Variants in ITGA11 observed in about 807,000 individuals in gnomAD.
ITGA11 encodes the protein integrin alpha-11.
Under a neutral mutation model 141.9 loss-of-function variants are expected in ITGA11, and 97 were observed. The ratio of observed to expected loss-of-function variants is 0.68; its 90% CI spans 0.58 to 0.81. The LOEUF (loss-of-function observed/expected upper bound fraction) is 0.81. Ranked by LOEUF, ITGA11 falls within the 30% of genes least tolerant of loss-of-function variation. ITGA11 has a pLI of 0.00. For synonymous variants in ITGA11, 658 were observed against 624.6 expected, an observed-to-expected ratio of 1.05 and a Z score of -0.80; for missense variants, 1,387 against 1,559.2, an observed-to-expected ratio of 0.89 and a Z score of 1.86.
intron 11 of ITGA11, among the ~76,000 whole-genome samples, chr15:68,338,915 G>A (rs756705699): frequency 8.5e-5 from 13 of 152,194 alleles, no homozygotes; most frequent in African/African-American, 1.7e-4. Flanking sequence ...AAGCCATGGC[G>A]AATGGGACAT....
At chr15:68,353,360 G>A (rs11637346) in intron 7 of ITGA11, among the ~76,000 whole-genome samples, 8,807 of 152,164 alleles carry the variant, frequency 0.058, 462 homozygotes, top group African/African-American at 0.14. Flanking sequence ...GCCACATGAC[G>A]AGAGCAGGTT....
At position 68,304,305 on chromosome 15, in the gene ITGA11, T is replaced by C. The variant is rs1380952625; in HGVS notation, c.3382-420A>G. Among the ~76,000 whole-genome samples, 2 of 152,172 alleles carry C rather than the reference T, an allele frequency of 1.3e-5. No homozygotes were observed. Among genetic ancestry groups the C allele is most frequent in the South Asian group, 4.1e-4 (2 of 4,830 alleles). On this transcript the variant is annotated intron_variant, in intron 28 of 29. Transcript: ENST00000315757. The surrounding 1 kb of genome is among the most constrained non-coding windows in gnomAD (Gnocchi z 6.1). ...TCCTGGGTGAACTCAGGGCTGACTT[T>C]CCCACGAGTCACAGTAGTCATGGTG...
chr15:68,394,563 A>G (rs1276941091), intron 2 of ITGA11, among the ~76,000 whole-genome samples: 1 of 152,032 alleles, frequency 6.6e-6, no homozygotes, highest in Non-Finnish European at 1.5e-5. Context: ...TAAATAAAAA[A>G]ATGGAAGAAA....
intron 2 of ITGA11, among the ~76,000 whole-genome samples, chr15:68,392,000 C>T (rs1036194036): frequency 4.6e-5 from 7 of 152,172 alleles, no homozygotes; most frequent in African/African-American, 1.7e-4. Context: ...GAAAGAGGCT[C>T]AAATCCTTAA....
chr15:68,425,687 C>G (rs568445127), intron 1 of ITGA11, among the ~76,000 whole-genome samples: 26 of 152,356 alleles, frequency 1.7e-4, no homozygotes, highest in Admixed American at 4.6e-4. Context: ...TGCAGACTAT[C>G]TAGAGCTACG....
chr15:68,398,610 G>A (rs1044508523), intron 2 of ITGA11, among the ~76,000 whole-genome samples: 2 of 144,928 alleles, frequency 1.4e-5, no homozygotes, highest in South Asian at 2.2e-4. Context: ...ATAAATATAA[G>A]TATAAATATT....
At chr15:68,312,112 C>T (rs1048075516) in intron 24 of ITGA11, among the ~76,000 whole-genome samples, 13 of 152,260 alleles carry the variant, frequency 8.5e-5, no homozygotes, top group East Asian at 5.8e-4. Flanking sequence ...AGGGAGCTAT[C>T]GGGGCCCACT....
At chr15:68,330,043 G>A (rs1438406328) in intron 15 of ITGA11, among the ~76,000 whole-genome samples, 1 of 152,238 alleles carries the variant, frequency 6.6e-6, no homozygotes, top group Non-Finnish European at 1.5e-5. Context: ...AGAGCAGCAC[G>A]CGTGGTGAGG....
At chr15:68,408,194 G>C (rs1896691722) in intron 1 of ITGA11, among the ~76,000 whole-genome samples, 1 of 152,096 alleles carries the variant, frequency 6.6e-6, no homozygotes. Flanking sequence ...CCTCTCTGAT[G>C]AGCTTCCCAT....
At chr15:68,364,627 GGTGT>G in intron 4 of ITGA11, 76 bp downstream of exon 4, 1 of 911,458 alleles carries the variant, frequency 1.1e-6, no homozygotes, top group South Asian at 1.4e-5. Context: ...TGGACATGAG[GGTGT>G]GTAAGGAGAC....
At chr15:68,384,186 T>C (rs11632946) in intron 2 of ITGA11, among the ~76,000 whole-genome samples, 92,632 of 150,662 alleles carry the variant, frequency 0.61, 31,649 homozygotes, top group South Asian at 0.76. Context: ...GTTGACCAGT[T>C]TGTGTGTGTG....
At chr15:68,329,122 C>T (rs565820256) in intron 15 of ITGA11, among the ~76,000 whole-genome samples, 11 of 152,164 alleles carry the variant, frequency 7.2e-5, no homozygotes, top group Admixed American at 2.0e-4. Context: ...TGCACTGTAG[C>T]GTGAAAGAGT....
intron 7 of ITGA11, among the ~76,000 whole-genome samples, chr15:68,356,540 T>C (rs1895074884): frequency 6.6e-6 from 1 of 152,228 alleles, no homozygotes; most frequent in Admixed American, 6.5e-5. Context: ...CTACTTCTTA[T>C]AGAGTGTCTG....
intron 20 of ITGA11, among the ~76,000 whole-genome samples, chr15:68,318,657 C>T (rs1893681332): frequency 6.6e-6 from 1 of 152,054 alleles, no homozygotes. Flanking sequence ...CCTCGCTTTC[C>T]TGGGGTGGCC....
rs181834245 is a variant in ITGA11 at position 68,370,111 on chromosome 15, G to C, written c.165-827C>G. 2.6e-5 allele frequency among the ~76,000 whole-genome samples: 4 copies of C among 152,294 alleles called. No individual in the cohort carries two copies. In the East Asian group the frequency reaches 7.7e-4, roughly 29 times the overall value. ...GATTCTCCCCCAGAGCCTGCGGAGG[G>C]AGTGCGGACCTGGTGCTGCTTCCTT... On this transcript the variant is annotated intron_variant, in intron 2 of 29. Transcript: ENST00000315757.
intron 2 of ITGA11, among the ~76,000 whole-genome samples, chr15:68,392,648 A>G (rs567914571): frequency 2.3e-4 from 35 of 152,348 alleles, no homozygotes; most frequent in African/African-American, 6.7e-4. Context: ...AAAACAGCCA[A>G]TGGGAGCAGA....
rs908304176 is a variant in ITGA11, at chr15:68,333,586, C to T, written c.1426-1108G>A. Among the ~76,000 whole-genome samples, 5 of 152,128 alleles carry T rather than the reference C, an allele frequency of 3.3e-5. No homozygotes were observed. Among genetic ancestry groups the T allele is most frequent in the Non-Finnish European group, 7.4e-5 (5 of 68,024 alleles). ...GACTCCACCCTCCACCTCTCCCACC[C>T]GTAAACCTGCCAGCAAGTGCTACGT... On this transcript the variant is annotated intron_variant, in intron 12 of 29. Transcript: ENST00000315757. This position sits in a 1 kb window ranked among gnomAD's most constrained non-coding sequence, Gnocchi z 4.2.
chr15:68,370,460 C>T (rs1053600494), intron 2 of ITGA11, among the ~76,000 whole-genome samples: 1 of 152,170 alleles, frequency 6.6e-6, no homozygotes, highest in Non-Finnish European at 1.5e-5. Context: ...CATCTCTCAC[C>T]CACCAGAGAG....
At chr15:68,306,308 G>GTT (rs1189215815) in intron 28 of ITGA11, among the ~76,000 whole-genome samples, 1 of 136,676 alleles carries the variant, frequency 7.3e-6, no homozygotes, top group Non-Finnish European at 1.6e-5. Context: ...GAGAAGAAGG[G>GTT]TTCTCTCTCT....
Sources: allele counts gnomAD v4.1 joint callset (sites outside exome capture counted in the v4.1 genomes callset), GRCh38; gene constraint gnomAD v4.1.1; non-coding constraint Gnocchi (gnomAD v3.1); transcripts MANE v1.5; gene names NCBI Gene and HGNC (gene_info 2026-07-23, HGNC 2026-07-21).